The following SLC30A8 variants were observed in gnomAD, a reference collection of about 807,000 sequenced individuals.
SLC30A8 encodes proton-coupled zinc antiporter SLC30A8.
In SLC30A8, 27 loss-of-function variants were observed where a neutral mutation model predicts 36.9. The ratio of observed to expected loss-of-function variants is 0.73; its 90% CI spans 0.54 to 1.01. The LOEUF (loss-of-function observed/expected upper bound fraction) is 1.01, where lower values mean the gene tolerates loss of function less well. Among genes scored for constraint, SLC30A8 ranks in the 50% least tolerant of loss-of-function variants. SLC30A8 has a pLI of 0.00. For missense variants in SLC30A8, 439 were observed against 452.0 expected (o/e 0.97, Z 0.26); for synonymous variants, 164 against 172.4 (o/e 0.95, Z 0.38).
At chr8:117,062,843 C>G (rs1158753341) in intron 2 of SLC30A8, among the ~76,000 whole-genome samples, 3 of 152,216 alleles carry the variant, frequency 2.0e-5, no homozygotes, top group African/African-American at 7.2e-5. Context: ...TCATTTCGGG[C>G]TTTACCCATA....
intron 1 of SLC30A8, among the ~76,000 whole-genome samples, chr8:117,022,323 C>G (rs1816725054): frequency 6.6e-6 from 1 of 152,036 alleles, no homozygotes; most frequent in South Asian, 2.1e-4. Context: ...GATGATTGAA[C>G]TGTATTTACA....
At chr8:117,028,740 A>G (rs1046658581) in intron 1 of SLC30A8, among the ~76,000 whole-genome samples, 2 of 152,006 alleles carry the variant, frequency 1.3e-5, no homozygotes, top group Non-Finnish European at 2.9e-5. Context: ...ATATATATAT[A>G]TGTAGTCATA....
At chr8:116,984,781 A>G (rs1332551011) in intron 1 of SLC30A8, among the ~76,000 whole-genome samples, 2 of 152,070 alleles carry the variant, frequency 1.3e-5, no homozygotes, top group African/African-American at 4.8e-5. Context: ...GTAATTTGCA[A>G]ATATTTTCTC....
At chr8:117,013,848 C>T (rs1455261179) in intron 1 of SLC30A8, among the ~76,000 whole-genome samples, 1 of 152,044 alleles carries the variant, frequency 6.6e-6, no homozygotes, top group Non-Finnish European at 1.5e-5. Flanking sequence ...AAAACAAAGC[C>T]TCTCTGTAGG....
chr8:117,087,949 G>T (rs548163608), intron 2 of SLC30A8, among the ~76,000 whole-genome samples: 1 of 152,204 alleles, frequency 6.6e-6, no homozygotes, highest in Non-Finnish European at 1.5e-5. Context: ...AAAGAAAGTA[G>T]GCGGTGGGGG....
In SLC30A8 at chr8:117,147,112, C is replaced by T. The variant is rs1821936654; in HGVS notation, c.230C>T (p.Ala77Val). The change falls in exon 2 of 8, where the codon GCT (alanine) becomes GTT (valine). Residue 77 changes from alanine to valine, a missense_variant. By Grantham distance (64) the Ala-to-Val change is moderately conservative. Coordinates refer to ENST00000456015, the MANE Select transcript of SLC30A8 (RefSeq NM_173851.3). ...YAYAKWKLCS[A>V]SAICFIFMIA... is the part of the protein sequence containing the mutation. ...TATGCCAAGTGGAAACTCTGTTCTG[C>T]TTCAGCAATATGCTTCATTTTCATG... 2.5e-6 allele frequency: 4 copies of T among 1,613,964 alleles called. No individual in the cohort carries two copies. Among genetic ancestry groups the T allele is most frequent in the African/African-American group, 1.3e-5 (1 of 74,932 alleles).
chr8:116,982,991 C>T (rs771490452), intron 1 of SLC30A8, among the ~76,000 whole-genome samples: 7 of 152,118 alleles, frequency 4.6e-5, no homozygotes, highest in Non-Finnish European at 1.0e-4. Context: ...TCTCTATACT[C>T]TGTCGTATAT....
chr8:117,080,775 T>C (rs996782253), intron 2 of SLC30A8, among the ~76,000 whole-genome samples: 1 of 152,218 alleles, frequency 6.6e-6, no homozygotes, highest in Non-Finnish European at 1.5e-5. Flanking sequence ...TTTGCTGTTG[T>C]GAATAGTGCT....
chr8:117,016,543 C>A (rs2130714589), intron 1 of SLC30A8, among the ~76,000 whole-genome samples: 1 of 152,312 alleles, frequency 6.6e-6, no homozygotes, highest in African/African-American at 2.4e-5. Context: ...ACGCTAACAG[C>A]TGCTAGTTTA....
chr8:117,137,792 A>G (rs1821430146), intron 1 of SLC30A8, among the ~76,000 whole-genome samples: 1 of 151,988 alleles, frequency 6.6e-6, no homozygotes, highest in South Asian at 2.1e-4. Context: ...TAAGCCCAGA[A>G]CTGGCACAGT....
intron 2 of SLC30A8, among the ~76,000 whole-genome samples, chr8:117,108,570 A>C (rs536465334): frequency 6.6e-6 from 1 of 152,202 alleles, no homozygotes; most frequent in African/African-American, 2.4e-5. Flanking sequence ...GATCCTAAAA[A>C]AAGATGAGAA....
At chr8:117,070,689 CCT>C (rs1325698738) in intron 2 of SLC30A8, among the ~76,000 whole-genome samples, 2 of 152,102 alleles carry the variant, frequency 1.3e-5, no homozygotes, top group African/African-American at 2.4e-5. Context: ...AACCTATTCC[CCT>C]GTCTATCTAA....
intron 1 of SLC30A8, among the ~76,000 whole-genome samples, chr8:117,140,290 A>T (rs1460951281): frequency 6.6e-6 from 1 of 152,104 alleles, no homozygotes. Flanking sequence ...CATATTCATA[A>T]TAAGAGGGCC....
intron 2 of SLC30A8, among the ~76,000 whole-genome samples, chr8:117,044,971 A>G (rs1439232294): frequency 6.6e-6 from 1 of 152,228 alleles, no homozygotes. Context: ...CACAAGATGC[A>G]TTAAACAAAC....
intron 1 of SLC30A8, among the ~76,000 whole-genome samples, chr8:117,032,871 C>G (rs1349662236): frequency 6.7e-6 from 1 of 150,354 alleles, no homozygotes; most frequent in Non-Finnish European, 1.5e-5. Context: ...GCCTGGGTGA[C>G]AACAGCGAGA....
chr8:117,066,649 T>G (rs1422394051), intron 2 of SLC30A8, among the ~76,000 whole-genome samples: 2 of 152,142 alleles, frequency 1.3e-5, no homozygotes, highest in Non-Finnish European at 2.9e-5. Flanking sequence ...TGAAGACTGG[T>G]GACATGACTC....
At chr8:117,034,045 A>G (rs1411252341) in intron 1 of SLC30A8, among the ~76,000 whole-genome samples, 1 of 152,206 alleles carries the variant, frequency 6.6e-6, no homozygotes, top group East Asian at 1.9e-4. Flanking sequence ...TCACATAGCT[A>G]GTTGTCCTAT....
intron 3 of SLC30A8, among the ~76,000 whole-genome samples, chr8:117,153,413 G>A (rs1822294954): frequency 6.6e-6 from 1 of 152,148 alleles, no homozygotes; most frequent in African/African-American, 2.4e-5. Context: ...CTGGAAGAGA[G>A]GATAGGAGTA....
At chr8:116,997,903 A>G (rs1372873631) in intron 1 of SLC30A8, among the ~76,000 whole-genome samples, 1 of 152,206 alleles carries the variant, frequency 6.6e-6, no homozygotes, top group African/African-American at 2.4e-5. Flanking sequence ...CAGTCTAAAG[A>G]TGAGACAGGC....
Sources: allele counts gnomAD v4.1 joint callset (sites outside exome capture counted in the v4.1 genomes callset), GRCh38; gene constraint gnomAD v4.1.1; transcripts MANE v1.5; gene names NCBI Gene and HGNC (gene_info 2026-07-23, HGNC 2026-07-21).